HSPG2: variants seen among roughly 807,000 people sequenced by gnomAD.
HSPG2 encodes the protein heparan sulfate proteoglycan 2, also known as basement membrane-specific heparan sulfate proteoglycan core protein.
In HSPG2, 278 loss-of-function variants were observed where a neutral mutation model predicts 526.6. That is an observed-to-expected ratio of 0.53 (90% CI 0.48 to 0.58). The LOEUF (loss-of-function observed/expected upper bound fraction) is 0.58, where lower values mean the gene tolerates loss of function less well. Among genes scored for constraint, HSPG2 ranks in the 20% least tolerant of loss-of-function variants. The pLI is 0.00. For missense variants in HSPG2, 5,354 were observed against 6,099.5 expected (o/e 0.88, Z 4.07); for synonymous variants, 2,465 against 2,555.4 (o/e 0.96, Z 1.07).
At chr1:21,823,820 A>AGTCTGG in intron 95 of HSPG2, 101 bp from the exon 96 acceptor site, 2 of 916,808 alleles carry the variant, frequency 2.2e-6, no homozygotes, top group Non-Finnish European at 3.5e-6. Flanking sequence ...CCAGACTCAG[A>AGTCTGG]AGTCTGTCCC....
At position 21,835,562 on chromosome 1, in the gene HSPG2, G is replaced by T; in HGVS notation, c.10431C>A (p.Ala3477=). 1 of 1,613,778 alleles carries T rather than the reference G, an allele frequency of 6.2e-7. No individual in the cohort carries two copies. Among genetic ancestry groups the T allele is most frequent in the Non-Finnish European group, 8.5e-7 (1 of 1,179,634 alleles). Residue 3477 remains alanine (A), a synonymous_variant, in exon 76 of 97, where the codon GCC becomes GCA. Coordinates refer to ENST00000374695, the MANE Select transcript of HSPG2 (RefSeq NM_005529.7). ...QAHGPWGKAQ[A]SAQLVIQALP... The stretch of plus-strand genomic sequence containing the variant: ...TACCTTGGATAACCAGCTGGGCACT[G>T]GCCTGGGCCTTCCCCCAAGGTCCAT...
Position 21,828,940 on chromosome 1 carries a change from C to A in HSPG2, c.12132G>T (p.Gln4044His). The change falls in exon 88 of 97, where the codon CAG becomes CAT. Residue 4044 changes from glutamine to histidine, a missense_variant. Coordinates refer to ENST00000374695, the MANE Select transcript of HSPG2 (RefSeq NM_005529.7). The surrounding 1 kb of genome is among the most constrained non-coding windows in gnomAD (Gnocchi z 6.0). The part of the protein sequence containing the change: ...PVLRSSPGKS[Q>H]GLNLHTLLYL... ...AGAGCAGGGTGTGCAGGTTGAGGCC[C>A]TGGCTCTTGCCGGGCGAGGAGCGCA... is the stretch of plus-strand genomic sequence containing the variant. 6.4e-7 allele frequency: 1 copy of A among 1,573,836 alleles called. No individual in the cohort carries two copies.
chr1:21,934,507 G>A (rs1644429948), intron 1 of HSPG2, among the ~76,000 whole-genome samples: 1 of 152,144 alleles, frequency 6.6e-6, no homozygotes, highest in African/African-American at 2.4e-5. Context: ...GATGGCTTAT[G>A]CCTGTCATCC....
chr1:21,866,320 C>T (rs1188074809), intron 33 of HSPG2, among the ~76,000 whole-genome samples: 2 of 152,172 alleles, frequency 1.3e-5, no homozygotes, highest in Non-Finnish European at 1.5e-5. Flanking sequence ...CAACTGTCTC[C>T]GCACATGCAG....
At position 21,893,107 on chromosome 1, in the gene HSPG2, G is replaced by T. The variant is rs1642484714; in HGVS notation, c.245-2413C>A. Among the ~76,000 whole-genome samples, 1 of 152,148 alleles carries T rather than the reference G, an allele frequency of 6.6e-6. No individual in the cohort carries two copies. The highest frequency in any genetic ancestry group is 1.5e-5 in the Non-Finnish European group (1 of 68,032). On this transcript the variant is annotated intron_variant, in intron 3 of 96. Coordinates refer to ENST00000374695, the MANE Select transcript of HSPG2 (RefSeq NM_005529.7). The surrounding 1 kb of genome is among the most constrained non-coding windows in gnomAD (Gnocchi z 4.3). ...CTGACTAGCCCTGGCCCCGGAGCAG[G>T]CTACTCACCAACTCCTGATTCCCAT...
At chr1:21,841,954 C>A in intron 69 of HSPG2, 48 bp downstream of exon 69, 1 of 1,608,082 alleles carries the variant, frequency 6.2e-7, no homozygotes, top group Non-Finnish European at 8.5e-7. Context: ...ATGACGGCAC[C>A]CCCATGCCTG....
intron 33 of HSPG2, among the ~76,000 whole-genome samples, chr1:21,869,132 C>T (rs1178786797): frequency 6.6e-6 from 1 of 152,186 alleles, no homozygotes. Context: ...CCTGGCCTTG[C>T]TCTTTGGACG....
Position 21,839,195 on chromosome 1 carries a change from G to A in HSPG2, c.9890-110C>T. ...CTGAATGGTGAGCCCAGAGGACTGG[G>A]GATAAGGAAAGCAAAGGTCCCAGGC... On this transcript the variant is annotated intron_variant, in intron 73 of 96. Transcript: ENST00000374695. The surrounding 1 kb of genome is among the most constrained non-coding windows in gnomAD (Gnocchi z 4.5). 6.7e-7 allele frequency: 1 copy of A among 1,482,394 alleles called. No individual in the cohort carries two copies. The highest frequency in any genetic ancestry group is 1.9e-5 in the Admixed American group (1 of 52,876). 91.8% of individuals were successfully genotyped at this position (1,482,394 alleles called of 1,614,324 possible).
rs898596699 is a variant in HSPG2, at chr1:21,841,909, C to T, written c.9193+93G>A. The T allele has an allele frequency of 2.4e-5, 36 of 1,528,674 alleles. No homozygotes were observed. The East Asian group carries it at 4.7e-4, about 20-fold the overall frequency. 94.7% of individuals were successfully genotyped at this position (1,528,674 alleles called of 1,614,324 possible). A position where few individuals can be genotyped will look rare whatever the true frequency, so the allele number is the denominator to read the frequency against. ...TCAGGGCCACACCATGAATGTGGGG[C>T]GTCCAGACTTCTGCCCCACCCTTGC... is the stretch of plus-strand genomic sequence containing the variant. On this transcript the variant is annotated intron_variant, in intron 69 of 96. Coordinates refer to ENST00000374695, the MANE Select transcript of HSPG2 (RefSeq NM_005529.7).
intron 67 of HSPG2, among the ~76,000 whole-genome samples, 175 bp from the exon 68 acceptor site, chr1:21,842,555 G>A (rs571849185): frequency 6.6e-6 from 1 of 152,332 alleles, no homozygotes; most frequent in African/African-American, 2.4e-5. Context: ...TCACTTTACA[G>A]TGGAGGAAAC....
intron 13 of HSPG2, among the ~76,000 whole-genome samples, chr1:21,884,249 T>C (rs1641708290): frequency 6.6e-6 from 1 of 151,956 alleles, no homozygotes; most frequent in South Asian, 2.1e-4. Flanking sequence ...AGGACACAGG[T>C]GGACAGCGTC....
rs756370790 is a variant in HSPG2 at position 21,854,600 on chromosome 1, G to A, written c.6288+11C>T. On this transcript the variant is annotated intron_variant, in intron 49 of 96. Transcript: ENST00000374695. ...CCTGGGTCCCCTGCCATAGGCTCAGGGCCCACATACCTGGGTGTGGGGAGG... is the reference window on the plus strand; with the variant it reads ...CCTGGGTCCCCTGCCATAGGCTCAGAGCCCACATACCTGGGTGTGGGGAGG... 6.4e-7 allele frequency: 1 copy of A among 1,554,564 alleles called. No individual in the cohort carries two copies. Among genetic ancestry groups the A allele is most frequent in the Non-Finnish European group, 8.7e-7 (1 of 1,147,144 alleles).
In HSPG2 at chr1:21,887,205, G is replaced by A. The variant is rs763662446; in HGVS notation, c.1078+10C>T. On this transcript the variant is annotated intron_variant, in intron 9 of 96. Transcript: ENST00000374695. This position sits in a 1 kb window ranked among gnomAD's most constrained non-coding sequence, Gnocchi z 5.0. ...GCAAGGGGGCCTCAGCTGGACCCTC[G>A]GATACTCACGGCAGTTGGCTTCATC... 7.4e-6 allele frequency: 12 copies of A among 1,613,466 alleles called. No individual in the cohort carries two copies. Among genetic ancestry groups the A allele is most frequent in the East Asian group, 6.7e-5 (3 of 44,876 alleles).
intron 9 of HSPG2, among the ~76,000 whole-genome samples, chr1:21,886,351 A>T (rs1366006666): frequency 1.4e-5 from 2 of 141,940 alleles, no homozygotes; most frequent in Non-Finnish European, 3.0e-5. Context: ...AAACTCTGCC[A>T]GTCTGTGGCA....
At position 21,851,225 on chromosome 1, in the gene HSPG2, G is replaced by A. The variant is rs545500837; in HGVS notation, c.7158+321C>T. The A allele has an allele frequency of 2.9e-5, 11 of 383,596 alleles. 1 individual carries two copies. The highest frequency in any genetic ancestry group is 1.2e-4 in the African/African-American group (6 of 48,594). The allele number at this position is 383,596 out of a possible 1,614,324, so 23.8% of individuals were successfully genotyped here. A position where few individuals can be genotyped will look rare whatever the true frequency, so the allele number is the denominator to read the frequency against. ...CGACCTCAGGCGATTCGCCCACCTC[G>A]GCCTCCCAAAGTGCTGGGATTACAG... On this transcript the variant is annotated intron_variant, in intron 55 of 96. Transcript: ENST00000374695.
chr1:21,908,329 A>G (rs568455652), intron 1 of HSPG2: 1 of 1,029,096 alleles, frequency 9.7e-7, no homozygotes, highest in Non-Finnish European at 1.5e-6. Flanking sequence ...TGTTGTAAAC[A>G]AACAAGTTAA....
In HSPG2 at chr1:21,880,515, C is replaced by G; in HGVS notation, c.2043G>C (p.Glu681Asp). ...HESGRPVQRA[E>D]LLQVLQSLEA... The stretch of plus-strand genomic sequence containing the variant: ...CCAGGCTCTGCAGCACCTGCAGCAG[C>G]TCCGCGCGCTGCACCGGCCGGCCAG... Residue 681 changes from glutamate (E) to aspartate (D), a missense_variant, in exon 16 of 97, where the codon GAG (glutamate) becomes GAC (aspartate). Physicochemically the swap from Glu to Asp is conservative, Grantham distance 45. Transcript: ENST00000374695. 1 of 1,613,654 alleles carries G rather than the reference C, an allele frequency of 6.2e-7. No homozygotes were observed. The highest frequency in any genetic ancestry group is 8.5e-7 in the Non-Finnish European group (1 of 1,179,976).
chr1:21,831,018 G>C lies in HSPG2; in HGVS notation c.11635C>G (p.Arg3879Gly), dbSNP rs372275695. ...TGCAGGGCCTGCGAGTGCTCACAGCGGCTCCCGGTGAAGCCAGCTGGGCAG... is the reference window on the plus strand; with the variant it reads ...TGCAGGGCCTGCGAGTGCTCACAGCCGCTCCCGGTGAAGCCAGCTGGGCAG... Reference protein sequence around the residue: ...CVCPAGFTGSRCEHSQALHCH... With the variant: ...CVCPAGFTGSGCEHSQALHCH... Residue 3879 changes from arginine (R) to glycine (G), a missense_variant, in exon 85 of 97, where the codon CGC becomes GGC. By Grantham distance (125) the Arg-to-Gly change is moderately radical. Transcript: ENST00000374695. 11 of 1,590,156 alleles carry C rather than the reference G, an allele frequency of 6.9e-6. No individual in the cohort carries two copies. The highest frequency in any genetic ancestry group is 2.7e-5 in the African/African-American group (2 of 74,748).
Position 21,833,141 on chromosome 1 carries a change from G to A in HSPG2, c.11095+127C>T. The A allele has an allele frequency of 6.1e-6, 5 of 817,824 alleles. No individual in the cohort carries two copies. The South Asian group carries it at 7.0e-5, about 12-fold the overall frequency. 50.7% of individuals were successfully genotyped at this position (817,824 alleles called of 1,614,324 possible). On this transcript the variant is annotated intron_variant, in intron 80 of 96. Coordinates refer to ENST00000374695, the MANE Select transcript of HSPG2 (RefSeq NM_005529.7). The stretch of plus-strand genomic sequence containing the variant: ...GAGGCCCAGAGGTCTGGGGGCTTCT[G>A]GAGAGGGAGGGCTGAGGGATTGGGG...
Sources: gnomAD v4.1 joint callset for allele counts (sites outside exome capture counted in the v4.1 genomes callset) on GRCh38, gnomAD v4.1.1 for gene constraint, Gnocchi (gnomAD v3.1) non-coding constraint, MANE v1.5 for transcripts, NCBI Gene and HGNC (gene_info 2026-07-23, HGNC 2026-07-21) for gene names.